The following TRIO variants were observed in gnomAD, a reference collection of about 807,000 sequenced individuals.
The protein encoded by TRIO is trio Rho guanine nucleotide exchange factor.
TRIO carries 58 observed loss-of-function variants against 351.9 expected under a neutral mutation model. The observed-to-expected ratio is 0.16, with a 90% CI of 0.13 to 0.21. TRIO has a LOEUF of 0.21. TRIO is among the 10% of genes least tolerant of loss of function. TRIO has a pLI of 1.00. For missense variants in TRIO, 3,201 were observed against 4,027.8 expected (o/e 0.79, Z 5.56); for synonymous variants, 1,758 against 1,595.7 (o/e 1.10, Z -2.42).
intron 7 of TRIO, among the ~76,000 whole-genome samples, chr5:14,302,168 A>C (rs557638648): frequency 6.6e-6 from 1 of 152,344 alleles, no homozygotes; most frequent in Non-Finnish European, 1.5e-5. Flanking sequence ...ATTGGAGTCC[A>C]ATATACTTTA....
intron 6 of TRIO, among the ~76,000 whole-genome samples, chr5:14,296,206 G>A (rs1186291324): frequency 6.6e-6 from 1 of 152,086 alleles, no homozygotes; most frequent in Non-Finnish European, 1.5e-5. Flanking sequence ...GAGCCAAAGA[G>A]GTATCTACGA....
intron 11 of TRIO, among the ~76,000 whole-genome samples, chr5:14,341,105 TCTC>T (rs1256816073): frequency 6.6e-6 from 1 of 152,218 alleles, no homozygotes; most frequent in African/African-American, 2.4e-5. Context: ...GGAGGATCTT[TCTC>T]CTCCTACACG....
chr5:14,420,059 G>T, intron 34 of TRIO, 38 bp downstream of exon 34: 1 of 1,598,386 alleles, frequency 6.3e-7, no homozygotes, highest in Non-Finnish European at 8.6e-7. Context: ...GACCCCTACT[G>T]GAAGTGGCCC....
chr5:14,429,188 T>C (rs1750893858), intron 34 of TRIO, among the ~76,000 whole-genome samples: 1 of 152,202 alleles, frequency 6.6e-6, no homozygotes, highest in South Asian at 2.1e-4. Context: ...GGAACAATCA[T>C]ATAATTCCGC....
At chr5:14,491,309 G>A (rs141356752) in intron 48 of TRIO, among the ~76,000 whole-genome samples, 1,754 of 152,296 alleles carry the variant, frequency 0.012, 31 homozygotes, top group African/African-American at 0.035. Flanking sequence ...CTGACAAATT[G>A]CATCTGCACT....
At chr5:14,377,473 T>C (rs1424222374) in intron 19 of TRIO, among the ~76,000 whole-genome samples, 1 of 152,152 alleles carries the variant, frequency 6.6e-6, no homozygotes. Flanking sequence ...CTCAGACTCC[T>C]GACCTCAGGT....
chr5:14,233,107 TG>T (rs1793550824), intron 1 of TRIO, among the ~76,000 whole-genome samples: 1 of 152,118 alleles, frequency 6.6e-6, no homozygotes, highest in African/African-American at 2.4e-5. Context: ...ATTGGAAGTC[TG>T]GGACTCAGCT....
At chr5:14,488,730 C>G (rs1756240278) in intron 48 of TRIO, 3 of 579,092 alleles carry the variant, frequency 5.2e-6, no homozygotes, top group Middle Eastern at 9.2e-4. Flanking sequence ...TGGGGAAGAC[C>G]ATTCCCTCAA....
At chr5:14,452,898 CT>C (rs908631469) in intron 34 of TRIO, among the ~76,000 whole-genome samples, 6 of 150,602 alleles carry the variant, frequency 4.0e-5, no homozygotes, top group Non-Finnish European at 5.9e-5. Context: ...TTAAAAAAAA[CT>C]TTTTTTTTAA....
rs1006377814 is a variant in TRIO, at chr5:14,349,225, TC to T, written c.2047-8951del. 6.0e-5 allele frequency among the ~76,000 whole-genome samples: 9 copies of T among 149,970 alleles called. No individual in the cohort carries two copies. In the South Asian group the frequency reaches 6.3e-4, roughly 11 times the overall value. ...GCACACACATGATCATGTGTGTTTTTCCTGTGTGTTTGTGTGTGCACACACG... is the reference window on the plus strand; with the variant it reads ...GCACACACATGATCATGTGTGTTTTTCTGTGTGTTTGTGTGTGCACACACG... On this transcript the variant is annotated intron_variant, in intron 11 of 56. Coordinates refer to ENST00000344204, the MANE Select transcript of TRIO (RefSeq NM_007118.4).
chr5:14,369,245 C>T, intron 17 of TRIO, 129 bp from the exon 18 acceptor site: 1 of 1,342,244 alleles, frequency 7.5e-7, no homozygotes, highest in East Asian at 2.4e-5. Flanking sequence ...GAGCCCATGG[C>T]TCCTTCTTAT....
chr5:14,387,257 G>T, intron 21 of TRIO, 181 bp from the exon 22 acceptor site: 1 of 560,494 alleles, frequency 1.8e-6, no homozygotes. Flanking sequence ...GAGCTGAGGA[G>T]AGATAGCTGG....
At chr5:14,235,571 ATGTT>A (rs1446351451) in intron 1 of TRIO, among the ~76,000 whole-genome samples, 1 of 152,136 alleles carries the variant, frequency 6.6e-6, no homozygotes, top group East Asian at 1.9e-4. Context: ...TCTATATAAA[ATGTT>A]TGTTGTTACA....
Position 14,286,735 on chromosome 5 carries a change from C to T in TRIO, c.348-136C>T. On this transcript the variant is annotated intron_variant, in intron 3 of 56. Transcript: ENST00000344204. The surrounding 1 kb of genome is among the most constrained non-coding windows in gnomAD (Gnocchi z 4.4). Reference sequence around the variant, plus strand: ...GGGAGGGACGAGAAGGAGCTGAGCACAGTGTGCTCCTTCCCCTGCCTCCGC... The same window carrying T: ...GGGAGGGACGAGAAGGAGCTGAGCATAGTGTGCTCCTTCCCCTGCCTCCGC... The T allele has an allele frequency of 1.2e-6, 1 of 818,816 alleles. No homozygotes were observed. Among genetic ancestry groups the T allele is most frequent in the Non-Finnish European group, 1.9e-6 (1 of 530,444 alleles). 50.7% of individuals were successfully genotyped at this position (818,816 alleles called of 1,614,324 possible). A position where few individuals can be genotyped will look rare whatever the true frequency, so the allele number is the denominator to read the frequency against.
chr5:14,154,148 CTG>C (rs1282796708), intron 1 of TRIO, among the ~76,000 whole-genome samples: 1 of 152,138 alleles, frequency 6.6e-6, no homozygotes, highest in African/African-American at 2.4e-5. Context: ...TCTTGGCCCT[CTG>C]TTTTCTTGGC....
At chr5:14,261,694 C>G (rs1256985586) in intron 1 of TRIO, among the ~76,000 whole-genome samples, 1 of 152,196 alleles carries the variant, frequency 6.6e-6, no homozygotes, top group Admixed American at 6.5e-5. Flanking sequence ...CTTGCGTTTC[C>G]TTTGGTTGTG....
chr5:14,229,051 T>A (rs1158003391), intron 1 of TRIO, among the ~76,000 whole-genome samples: 2 of 152,180 alleles, frequency 1.3e-5, no homozygotes, highest in Non-Finnish European at 2.9e-5. Flanking sequence ...ATCTCAAACA[T>A]CCCTCATAGT....
intron 2 of TRIO, 144 bp from the exon 3 acceptor site, chr5:14,280,178 T>G: frequency 2.9e-6 from 2 of 698,866 alleles, no homozygotes; most frequent in East Asian, 2.7e-5. Flanking sequence ...ATGTCCTCAC[T>G]GTGCCTCAGC....
intron 21 of TRIO, among the ~76,000 whole-genome samples, chr5:14,384,477 C>T (rs937019936): frequency 6.6e-6 from 1 of 151,892 alleles, no homozygotes; most frequent in South Asian, 2.1e-4. Flanking sequence ...AGCACTGTAA[C>T]GATCTCTAGA....
Sources: gnomAD v4.1 joint callset for allele counts (sites outside exome capture counted in the v4.1 genomes callset) on GRCh38, gnomAD v4.1.1 for gene constraint, Gnocchi (gnomAD v3.1) non-coding constraint, MANE v1.5 for transcripts, NCBI Gene and HGNC (gene_info 2026-07-23, HGNC 2026-07-21) for gene names.